The following KDM4B variants were observed in gnomAD, a reference collection of about 807,000 sequenced individuals.
KDM4B encodes the protein lysine-specific demethylase 4B.
KDM4B carries 32 observed loss-of-function variants against 125.2 expected under a neutral mutation model. The ratio of observed to expected loss-of-function variants is 0.26; its 90% CI spans 0.19 to 0.34. The LOEUF is 0.34. Ranked by LOEUF, KDM4B falls within the 10% of genes least tolerant of loss-of-function variation. The pLI is 1.00. For missense variants in KDM4B, 1,190 were observed against 1,577.7 expected (o/e 0.75, Z 4.16); for synonymous variants, 721 against 677.9 (o/e 1.06, Z -0.99).
chr19:4,975,419 C>T (rs570328352), intron 1 of KDM4B, among the ~76,000 whole-genome samples: 1 of 151,914 alleles, frequency 6.6e-6, no homozygotes, highest in South Asian at 2.1e-4. Context: ...TGTACAAAAA[C>T]AGGTGGCGGG....
At chr19:5,039,489 T>A (rs1018123262) in intron 3 of KDM4B, among the ~76,000 whole-genome samples, 1 of 152,062 alleles carries the variant, frequency 6.6e-6, no homozygotes, top group Non-Finnish European at 1.5e-5. Flanking sequence ...AATACGAGTC[T>A]CTGAGCCTCA....
chr19:5,047,664 G>A lies in KDM4B; in HGVS notation c.621G>A (p.Lys207=), dbSNP rs1599497176. ...SINYLHFGEP[K]SWYAIPPEHG... Reference sequence around the variant, plus strand: ...ACTACCTGCACTTTGGGGAGCCTAAGTCCTGGTGAGTGTCTGCACTGGCCC... The same window carrying A: ...ACTACCTGCACTTTGGGGAGCCTAAATCCTGGTGAGTGTCTGCACTGGCCC... The change falls in exon 6 of 23, where the codon AAG becomes AAA. Residue 207 remains lysine (K), a synonymous_variant. Coordinates refer to ENST00000159111, the MANE Select transcript of KDM4B (RefSeq NM_015015.3). 2 of 1,613,684 alleles carry A rather than the reference G, an allele frequency of 1.2e-6. No homozygotes were observed. Among genetic ancestry groups the A allele is most frequent in the East Asian group, 4.5e-5 (2 of 44,876 alleles).
At chr19:5,066,591 C>T (rs991839318) in intron 6 of KDM4B, among the ~76,000 whole-genome samples, 2 of 152,228 alleles carry the variant, frequency 1.3e-5, no homozygotes, top group African/African-American at 4.8e-5. Flanking sequence ...ACCCACGCTG[C>T]TTTGGCTTGC....
intron 1 of KDM4B, among the ~76,000 whole-genome samples, chr19:5,007,719 TC>T (rs1162329946): frequency 6.6e-6 from 1 of 152,002 alleles, no homozygotes; most frequent in Non-Finnish European, 1.5e-5. Context: ...CTAATTTTTT[TC>T]TTCTTTATTT....
chr19:5,002,000 C>CTTTT (rs59462526), intron 1 of KDM4B, among the ~76,000 whole-genome samples: 1 of 146,488 alleles, frequency 6.8e-6, no homozygotes. Flanking sequence ...TTTTTTTTTT[C>CTTTT]TTTTTTTTTC....
At chr19:5,022,545 G>A (rs527242073) in intron 2 of KDM4B, among the ~76,000 whole-genome samples, 1 of 152,308 alleles carries the variant, frequency 6.6e-6, no homozygotes, top group African/African-American at 2.4e-5. Flanking sequence ...AGGCAACTGA[G>A]GACATTGGGA....
In KDM4B at chr19:5,035,878, T is replaced by TGC. The variant is rs951594380; in HGVS notation, c.141+2848_141+2849insCG. 7.2e-3 allele frequency among the ~76,000 whole-genome samples: 695 copies of TGC among 96,978 alleles called. 8 individuals carry two copies. Among genetic ancestry groups the TGC allele is most frequent in the African/African-American group, 0.021 (668 of 31,780 alleles). The allele number at this position is 96,978 out of a possible 152,430, so 63.6% of individuals were successfully genotyped here. On this transcript the variant is annotated intron_variant, in intron 3 of 22. Coordinates refer to ENST00000159111, the MANE Select transcript of KDM4B (RefSeq NM_015015.3). This position sits in a 1 kb window ranked among gnomAD's most constrained non-coding sequence, Gnocchi z 5.3. ...GCACGTGTCTCTGTGTGTGTGTGTG[T>TGC]GTGCGCGCGCGCGCGCGCCTGCGCG...
chr19:5,012,133 C>G (rs1360324622), intron 1 of KDM4B, among the ~76,000 whole-genome samples: 1 of 152,180 alleles, frequency 6.6e-6, no homozygotes, highest in Non-Finnish European at 1.5e-5. Flanking sequence ...CCAGATCTGC[C>G]TAGAAGCCGC....
At position 5,135,500 on chromosome 19, in the gene KDM4B, C is replaced by T. The variant is rs200493516; in HGVS notation, c.2247C>T (p.Ile749=). The T allele has an allele frequency of 9.3e-6, 15 of 1,611,834 alleles. No individual in the cohort carries two copies. The highest frequency in any genetic ancestry group is 4.5e-5 in the East Asian group (2 of 44,838). Residue 749 remains isoleucine, a synonymous_variant, in exon 15 of 23, where the codon ATC becomes ATT. Transcript: ENST00000159111. ...AGCCGCTGCCTGCCAACTCCTACATCGGCGACGACGGGACCAGCCCCCTGA... is the reference window on the plus strand; with the variant it reads ...AGCCGCTGCCTGCCAACTCCTACATTGGCGACGACGGGACCAGCCCCCTGA... ...NTEPLPANSY[I]GDDGTSPLIA... is the part of the protein sequence containing the mutation.
Position 5,151,695 on chromosome 19 carries a change from C to T in KDM4B, c.*184C>T. ...CGCACGCGGCCCCAGACTCAGGGAGCAGGGCCAGGCGGGCTCGGGGGCCGG... is the reference window on the plus strand; with the variant it reads ...CGCACGCGGCCCCAGACTCAGGGAGTAGGGCCAGGCGGGCTCGGGGGCCGG... On this transcript the variant is annotated 3_prime_UTR_variant, in exon 23 of 23. Transcript: ENST00000159111. The T allele has an allele frequency of 2.2e-6, 1 of 454,996 alleles. No individual in the cohort carries two copies. The highest frequency in any genetic ancestry group is 3.6e-6 in the Non-Finnish European group (1 of 277,984). The allele number at this position is 454,996 out of a possible 1,614,324, so 28.2% of individuals were successfully genotyped here.
chr19:5,000,075 T>C (rs1599384550), intron 1 of KDM4B, among the ~76,000 whole-genome samples: 7 of 108,212 alleles, frequency 6.5e-5, no homozygotes, highest in Admixed American at 1.1e-4. Flanking sequence ...TCTATCCACC[T>C]GTCCACCCAC....
chr19:5,065,053 C>T (rs560306910), intron 6 of KDM4B, among the ~76,000 whole-genome samples: 268 of 152,306 alleles, frequency 1.8e-3, no homozygotes, highest in Non-Finnish European at 3.0e-3. Flanking sequence ...CCGTGGCAGG[C>T]GGGGTCCCTG....
intron 2 of KDM4B, among the ~76,000 whole-genome samples, chr19:5,025,321 C>T (rs1005028779): frequency 1.3e-5 from 2 of 152,262 alleles, no homozygotes; most frequent in African/African-American, 4.8e-5. Flanking sequence ...CAGCCAGGAG[C>T]AGCTGTAGAC....
rs1365758055 is a variant in KDM4B at position 5,077,486 on chromosome 19, G to A, written c.780+16G>A. Reference sequence around the variant, plus strand: ...CTTCAGCCGGGTGCGTACGGGTGGGGCCTGCACGCCTGTGGGTGAAGTGGG... The same window carrying A: ...CTTCAGCCGGGTGCGTACGGGTGGGACCTGCACGCCTGTGGGTGAAGTGGG... On this transcript the variant is annotated intron_variant, in intron 8 of 22. Coordinates refer to ENST00000159111, the MANE Select transcript of KDM4B (RefSeq NM_015015.3). 8 of 1,599,336 alleles carry A rather than the reference G, an allele frequency of 5.0e-6. No homozygotes were observed. The highest frequency in any genetic ancestry group is 2.2e-5 in the East Asian group (1 of 44,840).
intron 10 of KDM4B, among the ~76,000 whole-genome samples, chr19:5,118,906 T>A (rs1018406156): frequency 6.6e-6 from 1 of 151,978 alleles, no homozygotes; most frequent in Non-Finnish European, 1.5e-5. Context: ...CGTGAGCAGA[T>A]CCTGGGCTCA....
At chr19:5,127,722 A>T (rs1431835378) in intron 11 of KDM4B, among the ~76,000 whole-genome samples, 2 of 152,050 alleles carry the variant, frequency 1.3e-5, no homozygotes, top group Non-Finnish European at 2.9e-5. Context: ...TTGGAGGAGG[A>T]GGGAGAGAGC....
At chr19:5,001,009 C>G (rs533965885) in intron 1 of KDM4B, among the ~76,000 whole-genome samples, 2 of 152,028 alleles carry the variant, frequency 1.3e-5, no homozygotes, top group Admixed American at 1.3e-4. Flanking sequence ...CTCAAAGAAG[C>G]AGATGTGTAT....
rs193070334 is a variant in KDM4B, at chr19:5,027,009, G to A, written c.-25-5857G>A. Among the ~76,000 whole-genome samples the A allele has an allele frequency of 5.9e-5, 9 of 152,350 alleles. No homozygotes were observed. The East Asian group carries it at 1.5e-3, about 26-fold the overall frequency. On this transcript the variant is annotated intron_variant, in intron 2 of 22. Transcript: ENST00000159111. ...GGCTCCAGCCAGCTCACACCACGGG[G>A]CAGCCGAGGCCTCCTTTGGCCCAGC...
At chr19:5,024,243 GC>G (rs2036212638) in intron 2 of KDM4B, among the ~76,000 whole-genome samples, 1 of 152,118 alleles carries the variant, frequency 6.6e-6, no homozygotes. Flanking sequence ...CAGTTGTGGG[GC>G]CTGGGGTCAT....
Sources: gnomAD v4.1 joint callset for allele counts (sites outside exome capture counted in the v4.1 genomes callset) on GRCh38, gnomAD v4.1.1 for gene constraint, Gnocchi (gnomAD v3.1) non-coding constraint, MANE v1.5 for transcripts, NCBI Gene and HGNC (gene_info 2026-07-23, HGNC 2026-07-21) for gene names.